The following YY1 variants were observed in gnomAD, a reference collection of about 807,000 sequenced individuals.
The protein encoded by YY1 is YY1 transcription factor, also known as transcriptional repressor protein YY1.
Under a neutral mutation model 35.6 loss-of-function variants are expected in YY1, and 2 were observed. That is an observed-to-expected ratio of 0.06 (90% CI 0.02 to 0.18). The LOEUF is 0.18. YY1 is among the 10% of genes least tolerant of loss of function. The pLI is 1.00. For missense variants in YY1, 322 were observed against 573.4 expected, an observed-to-expected ratio of 0.56 and a Z score of 4.48; for synonymous variants, 268 against 238.9, an observed-to-expected ratio of 1.12 and a Z score of -1.12.
At position 100,278,295 on chromosome 14, in the gene YY1, A is replaced by T. The variant is rs1433099287; in HGVS notation, c.*695A>T. ...GTGTTAATCAATTTAAACCCATTTTAGTCACTTTTTTTTTCCAAAAAAATA... is the reference window on the plus strand; with the variant it reads ...GTGTTAATCAATTTAAACCCATTTTTGTCACTTTTTTTTTCCAAAAAAATA... On this transcript the variant is annotated 3_prime_UTR_variant, in exon 5 of 5. Transcript: ENST00000262238. 1 of 152,164 alleles carries T rather than the reference A, an allele frequency of 6.6e-6. No individual in the cohort carries two copies. Among genetic ancestry groups the T allele is most frequent in the Non-Finnish European group, 1.5e-5 (1 of 67,928 alleles). The allele number at this position is 152,164 out of a possible 1,614,324, so 9.4% of individuals were successfully genotyped here. A position where few individuals can be genotyped will look rare whatever the true frequency, so the allele number is the denominator to read the frequency against.
At chr14:100,249,641 G>GA (rs1890891013) in intron 1 of YY1, among the ~76,000 whole-genome samples, 5 of 151,996 alleles carry the variant, frequency 3.3e-5, no homozygotes, top group Admixed American at 3.3e-4. Context: ...TGTATAGGTG[G>GA]AAAAGAAGTA....
intron 1 of YY1, among the ~76,000 whole-genome samples, chr14:100,248,838 C>G (rs1480633533): frequency 2.0e-5 from 3 of 151,736 alleles, no homozygotes; most frequent in African/African-American, 7.3e-5. Flanking sequence ...CAGGCGCCCA[C>G]CACCATACCT....
chr14:100,267,980 C>T lies in YY1; in HGVS notation c.842+5514C>T, dbSNP rs145608455. Among the ~76,000 whole-genome samples the T allele has an allele frequency of 4.9e-4, 74 of 152,272 alleles. 2 individuals are homozygous for T. The highest frequency in any genetic ancestry group is 1.6e-3 in the African/African-American group (68 of 41,548). ...AGTTGAGTGGGATTTTCTGGAGGCT[C>T]AGGAATTGATGCCCGGGACTCTGAG... On this transcript the variant is annotated intron_variant, in intron 2 of 4. Coordinates refer to ENST00000262238, the MANE Select transcript of YY1 (RefSeq NM_003403.5).
rs777859887 is a variant in YY1, at chr14:100,262,278, A to T, written c.680-26A>T. The T allele has an allele frequency of 2.7e-5, 44 of 1,612,570 alleles. 1 individual carries two copies. In the Middle Eastern group the frequency reaches 9.7e-4, roughly 35 times the overall value. ...GTTTTTAAAATCTATTTACTCAGCT[A>T]AAGATAATCTCATGATGTGTTTCAG... On this transcript the variant is annotated intron_variant, in intron 1 of 4. Transcript: ENST00000262238.
intron 1 of YY1, among the ~76,000 whole-genome samples, chr14:100,260,856 C>T (rs1456484165): frequency 3.8e-5 from 5 of 131,702 alleles, no homozygotes; most frequent in Admixed American, 8.8e-5. Context: ...GACGCAGTGA[C>T]GTGGTCACGG....
At chr14:100,270,532 A>C in intron 2 of YY1, among the ~76,000 whole-genome samples, 1 of 151,238 alleles carries the variant, frequency 6.6e-6, no homozygotes, top group Non-Finnish European at 1.5e-5. Flanking sequence ...CTGAGGCAGG[A>C]GAATCGCTTG....
At chr14:100,245,094 A>AGCG (rs1306728278) in intron 1 of YY1, among the ~76,000 whole-genome samples, 8 of 151,516 alleles carry the variant, frequency 5.3e-5, no homozygotes, top group Admixed American at 6.6e-5. Context: ...CCGCTGCCAC[A>AGCG]CCCGGCTAAT....
chr14:100,245,168 C>T lies in YY1; in HGVS notation c.679+5245C>T, dbSNP rs183712548. Among the ~76,000 whole-genome samples the T allele has an allele frequency of 5.3e-5, 8 of 151,846 alleles. No individual in the cohort carries two copies. The East Asian group carries it at 1.6e-3, about 30-fold the overall frequency. ...AGCCAGGATGGTCTCGATCTCCTGA[C>T]CTCGTGATCCGCCTGCCTCGGCCTC... On this transcript the variant is annotated intron_variant, in intron 1 of 4. Transcript: ENST00000262238.
chr14:100,273,468 TTTTG>T (rs982145568), intron 2 of YY1, among the ~76,000 whole-genome samples: 23 of 152,098 alleles, frequency 1.5e-4, no homozygotes, highest in African/African-American at 5.5e-4. Context: ...TTGGGGGATT[TTTTG>T]TTTGTTTGTT....
chr14:100,267,282 T>C (rs1264242748), intron 2 of YY1, among the ~76,000 whole-genome samples: 1 of 152,202 alleles, frequency 6.6e-6, no homozygotes, highest in Non-Finnish European at 1.5e-5. Context: ...AGCTCCTATG[T>C]TGTATACTTG....
intron 2 of YY1, among the ~76,000 whole-genome samples, chr14:100,263,215 T>C (rs1891109054): frequency 6.6e-6 from 1 of 152,242 alleles, no homozygotes; most frequent in South Asian, 2.1e-4. Flanking sequence ...CAGCCTGTAG[T>C]ACACATTTTA....
intron 1 of YY1, among the ~76,000 whole-genome samples, chr14:100,249,182 C>T (rs561311364): frequency 1.5e-5 from 2 of 131,740 alleles, no homozygotes; most frequent in South Asian, 2.5e-4. Flanking sequence ...TTCAGTGGCA[C>T]GATCTCGGCT....
chr14:100,271,316 A>G (rs1338744411), intron 2 of YY1, among the ~76,000 whole-genome samples: 1 of 152,216 alleles, frequency 6.6e-6, no homozygotes, highest in Non-Finnish European at 1.5e-5. Flanking sequence ...GACCTTTCAT[A>G]TCAATCACTG....
At chr14:100,257,872 C>T (rs1891026070) in intron 1 of YY1, among the ~76,000 whole-genome samples, 1 of 152,174 alleles carries the variant, frequency 6.6e-6, no homozygotes, top group Non-Finnish European at 1.5e-5. Flanking sequence ...TAAAACATGG[C>T]CCACACCTGT....
intron 2 of YY1, among the ~76,000 whole-genome samples, chr14:100,272,222 G>T (rs1485385349): frequency 1.3e-5 from 2 of 151,840 alleles, no homozygotes; most frequent in Admixed American, 1.3e-4. Flanking sequence ...CATGAACCTG[G>T]GAGGCGGAGC....
intron 2 of YY1, among the ~76,000 whole-genome samples, chr14:100,272,295 CA>C (rs11314810): frequency 0.59 from 75,943 of 128,534 alleles, 20,046 homozygotes; most frequent in South Asian, 0.77. Flanking sequence ...GACTCTGTCT[CA>C]AAAAAAAAAA....
intron 1 of YY1, among the ~76,000 whole-genome samples, chr14:100,251,703 C>A (rs183817418): frequency 6.6e-6 from 1 of 151,538 alleles, no homozygotes; most frequent in African/African-American, 2.4e-5. Flanking sequence ...TAACATGTTA[C>A]CTTGTTTTAG....
At chr14:100,258,453 A>G (rs1302685614) in intron 1 of YY1, among the ~76,000 whole-genome samples, 1 of 152,226 alleles carries the variant, frequency 6.6e-6, no homozygotes, top group Non-Finnish European at 1.5e-5. Flanking sequence ...TGGGTATATT[A>G]TCACTAGTGT....
chr14:100,254,300 A>G (rs1451794969), intron 1 of YY1, among the ~76,000 whole-genome samples: 2 of 152,198 alleles, frequency 1.3e-5, no homozygotes, highest in African/African-American at 4.8e-5. Context: ...AATGATAGCA[A>G]ATATTGACAT....
Sources: allele counts gnomAD v4.1 joint callset (sites outside exome capture counted in the v4.1 genomes callset), GRCh38; gene constraint gnomAD v4.1.1; transcripts MANE v1.5; gene names NCBI Gene and HGNC (gene_info 2026-07-23, HGNC 2026-07-21).